The following CTNNAL1 variants were observed in gnomAD, a reference collection of about 807,000 sequenced individuals.
The protein encoded by CTNNAL1 is alpha-catulin.
Under a neutral mutation model 93.6 loss-of-function variants are expected in CTNNAL1, and 69 were observed. The observed-to-expected ratio is 0.74, with a 90% CI of 0.61 to 0.90. CTNNAL1 has a LOEUF of 0.90. CTNNAL1 is among the 40% of genes least tolerant of loss of function. The pLI is 0.00. For missense variants in CTNNAL1, 836 were observed against 862.0 expected (o/e 0.97, Z 0.38); for synonymous variants, 286 against 305.4 (o/e 0.94, Z 0.66).
chr9:108,996,128 A>AT (rs922963991), intron 2 of CTNNAL1, among the ~76,000 whole-genome samples: 13 of 150,784 alleles, frequency 8.6e-5, no homozygotes, highest in South Asian at 2.1e-4. Context: ...ACACCTGGCT[A>AT]TTTTTTTTTC....
intron 6 of CTNNAL1, among the ~76,000 whole-genome samples, chr9:108,980,393 C>T (rs982851426): frequency 1.3e-5 from 2 of 152,146 alleles, no homozygotes; most frequent in African/African-American, 4.8e-5. Context: ...AGGCAACAAG[C>T]GGTAATGATC....
chr9:109,005,755 A>G (rs749275721), intron 1 of CTNNAL1, among the ~76,000 whole-genome samples: 2 of 152,236 alleles, frequency 1.3e-5, no homozygotes, highest in Non-Finnish European at 2.9e-5. Flanking sequence ...TCATTTACAT[A>G]AAGTTTTAAA....
intron 15 of CTNNAL1, among the ~76,000 whole-genome samples, chr9:108,947,446 A>G (rs1302278421): frequency 6.6e-6 from 1 of 152,204 alleles, no homozygotes; most frequent in African/African-American, 2.4e-5. Context: ...TCAGATGTAC[A>G]TGGGAATGCC....
At chr9:108,993,427 G>A (rs1831891326) in intron 2 of CTNNAL1, among the ~76,000 whole-genome samples, 2 of 152,188 alleles carry the variant, frequency 1.3e-5, no homozygotes, top group Non-Finnish European at 2.9e-5. Flanking sequence ...TGGACTTTGG[G>A]TGGGGAAAGT....
At chr9:108,990,975 G>T in intron 3 of CTNNAL1, 130 bp from the exon 4 acceptor site, 1 of 1,007,512 alleles carries the variant, frequency 9.9e-7, no homozygotes. Context: ...GAGCCAGATA[G>T]AAGACACACA....
chr9:108,986,359 A>G (rs1013666587), intron 4 of CTNNAL1, among the ~76,000 whole-genome samples: 2 of 148,376 alleles, frequency 1.3e-5, no homozygotes, highest in Non-Finnish European at 3.0e-5. Flanking sequence ...ACATGAACTC[A>G]TCATTTTTTA....
chr9:108,967,694 G>A (rs1830998787), intron 10 of CTNNAL1, among the ~76,000 whole-genome samples: 1 of 152,192 alleles, frequency 6.6e-6, no homozygotes, highest in Non-Finnish European at 1.5e-5. Context: ...AAATCGAGGG[G>A]AAGTCATTTG....
chr9:108,975,065 A>G (rs1831226024), intron 8 of CTNNAL1, among the ~76,000 whole-genome samples: 1 of 152,156 alleles, frequency 6.6e-6, no homozygotes. Context: ...CGGGAGGCTG[A>G]GGCATGAGAA....
chr9:108,948,357 A>G, intron 14 of CTNNAL1, 123 bp from the exon 15 acceptor site: 1 of 773,384 alleles, frequency 1.3e-6, no homozygotes, highest in Non-Finnish European at 2.0e-6. Context: ...AATAATATGA[A>G]TAGACTGATA....
At chr9:108,954,256 T>C (rs1830638457) in intron 12 of CTNNAL1, among the ~76,000 whole-genome samples, 1 of 152,188 alleles carries the variant, frequency 6.6e-6, no homozygotes, top group Non-Finnish European at 1.5e-5. Flanking sequence ...TAAATATAAA[T>C]AGCACCAGAC....
At chr9:108,985,001 T>C (rs1350434824) in intron 4 of CTNNAL1, among the ~76,000 whole-genome samples, 2 of 152,172 alleles carry the variant, frequency 1.3e-5, no homozygotes, top group Admixed American at 6.5e-5. Flanking sequence ...CCAACAAGAT[T>C]GAAAAGGAAC....
At chr9:108,959,364 C>CCAAAA (rs1830769045) in intron 11 of CTNNAL1, among the ~76,000 whole-genome samples, 1 of 55,844 alleles carries the variant, frequency 1.8e-5, no homozygotes, top group East Asian at 5.2e-4. Flanking sequence ...GACTCCATAT[C>CCAAAA]AAAAAAAAAA....
chr9:109,009,801 C>T (rs1240969281), intron 1 of CTNNAL1, among the ~76,000 whole-genome samples: 1 of 152,116 alleles, frequency 6.6e-6, no homozygotes, highest in Non-Finnish European at 1.5e-5. Context: ...AATATGTCAA[C>T]CTAGGCTTGA....
Position 109,005,140 on chromosome 9 carries a change from G to A in CTNNAL1, c.142-5884C>T, listed in dbSNP as rs541431028. On this transcript the variant is annotated intron_variant, in intron 1 of 18. Transcript: ENST00000325551. ...TTACATAATCATGTGAAAGAGTCACGATAATTTTAATTTGGAGAATGACTG... is the reference window on the plus strand; with the variant it reads ...TTACATAATCATGTGAAAGAGTCACAATAATTTTAATTTGGAGAATGACTG... 4.6e-5 allele frequency among the ~76,000 whole-genome samples: 7 copies of A among 152,002 alleles called. No homozygotes were observed. The East Asian group carries it at 7.7e-4, about 17-fold the overall frequency.
Position 108,965,381 on chromosome 9 carries a change from G to A in CTNNAL1, c.1588C>T (p.Arg530Ter), listed in dbSNP as rs745677703. ...REINDVFEGR[R>*]GEKYGYLSLP... Reference sequence around the variant, plus strand: ...CATTATGTGGACAGTTTCTCACCTCGTCTTCCTTCAAACACGTCATTGATT... The same window carrying A: ...CATTATGTGGACAGTTTCTCACCTCATCTTCCTTCAAACACGTCATTGATT... Residue 530 changes from arginine to a stop codon, truncating the protein, a stop_gained, in exon 11 of 19, where the codon CGA (arginine) becomes TGA (stop). Coordinates refer to ENST00000325551, the MANE Select transcript of CTNNAL1 (RefSeq NM_003798.4). LOFTEE classifies it high-confidence loss of function. 8.9e-6 allele frequency: 13 copies of A among 1,453,576 alleles called. No individual in the cohort carries two copies. Among genetic ancestry groups the A allele is most frequent in the Non-Finnish European group, 1.1e-5 (12 of 1,093,910 alleles). 90.0% of individuals were successfully genotyped at this position (1,453,576 alleles called of 1,614,324 possible). A position where few individuals can be genotyped will look rare whatever the true frequency, so the allele number is the denominator to read the frequency against.
intron 11 of CTNNAL1, 109 bp from the exon 12 acceptor site, chr9:108,955,936 TA>T: frequency 1.5e-6 from 1 of 645,890 alleles, no homozygotes. Context: ...GTTAGTACAT[TA>T]GTTTTGATAA....
chr9:108,999,922 C>A (rs1826734123), intron 1 of CTNNAL1, among the ~76,000 whole-genome samples: 1 of 152,120 alleles, frequency 6.6e-6, no homozygotes. Context: ...TCTTAGGGAA[C>A]TAGTACATGA....
chr9:109,000,554 G>C (rs1215080061), intron 1 of CTNNAL1, among the ~76,000 whole-genome samples: 1 of 152,176 alleles, frequency 6.6e-6, no homozygotes, highest in Non-Finnish European at 1.5e-5. Context: ...AGGATAGTGT[G>C]ATATAAAGTA....
At chr9:108,953,848 A>G (rs1307961390) in intron 12 of CTNNAL1, among the ~76,000 whole-genome samples, 1 of 152,168 alleles carries the variant, frequency 6.6e-6, no homozygotes, top group African/African-American at 2.4e-5. Context: ...AAAGACAGAG[A>G]GAGAGAGAAT....
Sources: gnomAD v4.1 joint callset for allele counts (sites outside exome capture counted in the v4.1 genomes callset) on GRCh38, gnomAD v4.1.1 for gene constraint, MANE v1.5 for transcripts, NCBI Gene and HGNC (gene_info 2026-07-23, HGNC 2026-07-21) for gene names.